LEPR: variants seen among roughly 807,000 people sequenced by gnomAD.
LEPR encodes leptin receptor, also known as OB receptor.
LEPR carries 56 observed loss-of-function variants against 114.7 expected under a neutral mutation model. The observed-to-expected ratio is 0.49, with a 90% CI of 0.39 to 0.61. LEPR has a LOEUF of 0.61. Ranked by LOEUF, LEPR falls within the 20% of genes least tolerant of loss-of-function variation. The probability of loss-of-function intolerance (pLI) is 0.00; values close to 1 mark genes in which losing one functional copy is unlikely to be tolerated. For missense variants in LEPR, 1,202 were observed against 1,352.9 expected (o/e 0.89, Z 1.75); for synonymous variants, 443 against 461.4 (o/e 0.96, Z 0.51).
At position 65,618,035 on chromosome 1, in the gene LEPR, C is replaced by G. The variant is rs1341977307; in HGVS notation, c.2284C>G (p.Pro762Ala). ...TGTGATTGTTTCCTGGATACTATCA[C>G]CCAGTGATTACAAGCTAATGTATTT... is the stretch of plus-strand genomic sequence containing the variant. ...SCVIVSWILS[P>A]SDYKLMYFII... Residue 762 changes from proline to alanine, a missense_variant, in exon 16 of 20, where the codon CCC (proline) becomes GCC (alanine). Pro to Ala is a conservative substitution (Grantham distance 27). Coordinates refer to ENST00000349533, the MANE Select transcript of LEPR (RefSeq NM_002303.6). 1.2e-6 allele frequency: 2 copies of G among 1,612,902 alleles called. No homozygotes were observed. The highest frequency in any genetic ancestry group is 4.5e-5 in the East Asian group (2 of 44,752).
chr1:65,575,587 G>A (rs1654528430), intron 5 of LEPR, among the ~76,000 whole-genome samples: 1 of 151,216 alleles, frequency 6.6e-6, no homozygotes, highest in Admixed American at 6.6e-5. Flanking sequence ...TAAACATAAT[G>A]TAGATTCATT....
chr1:65,617,888 T>C, intron 15 of LEPR, 76 bp from the exon 16 acceptor site: 1 of 1,396,106 alleles, frequency 7.2e-7, no homozygotes. Flanking sequence ...TTTAGTAGGT[T>C]ATAAGTTCCT....
chr1:65,550,622 A>G (rs1652242804), intron 2 of LEPR, among the ~76,000 whole-genome samples: 1 of 152,156 alleles, frequency 6.6e-6, no homozygotes, highest in South Asian at 2.1e-4. Flanking sequence ...CTCCGAACCA[A>G]GTGCGGGCTA....
intron 5 of LEPR, among the ~76,000 whole-genome samples, chr1:65,579,456 T>G (rs1372399326): frequency 6.6e-6 from 1 of 152,190 alleles, no homozygotes; most frequent in Non-Finnish European, 1.5e-5. Flanking sequence ...GGGTTGGTCT[T>G]AAAGAAGGTT....
intron 2 of LEPR, among the ~76,000 whole-genome samples, chr1:65,493,520 TA>T (rs1180839179): frequency 1.3e-5 from 2 of 152,142 alleles, no homozygotes; most frequent in African/African-American, 4.8e-5. Context: ...TCTTTATAGA[TA>T]TTTTTTTCAT....
intron 2 of LEPR, among the ~76,000 whole-genome samples, chr1:65,499,441 C>T (rs936136360): frequency 2.6e-5 from 4 of 152,000 alleles, no homozygotes; most frequent in African/African-American, 7.2e-5. Context: ...TGGGGCAAAT[C>T]GATGAGGCAG....
chr1:65,468,301 A>T (rs1379683238), intron 2 of LEPR, among the ~76,000 whole-genome samples: 3 of 152,194 alleles, frequency 2.0e-5, no homozygotes, highest in Admixed American at 2.0e-4. Flanking sequence ...AACTCTGAAC[A>T]ACTAAAGAAA....
chr1:65,565,487 C>A, intron 2 of LEPR, 59 bp from the exon 3 acceptor site: 1 of 1,543,402 alleles, frequency 6.5e-7, no homozygotes, highest in Admixed American at 1.7e-5. Flanking sequence ...CCACAGACAA[C>A]TTATATATAT....
intron 2 of LEPR, among the ~76,000 whole-genome samples, chr1:65,485,727 A>G (rs1337826433): frequency 6.6e-6 from 1 of 152,130 alleles, no homozygotes; most frequent in Non-Finnish European, 1.5e-5. Flanking sequence ...TAGTGCTTCC[A>G]TTACCAATTT....
At chr1:65,628,418 G>A (rs1044310736) in intron 19 of LEPR, among the ~76,000 whole-genome samples, 6 of 152,096 alleles carry the variant, frequency 3.9e-5, no homozygotes, top group African/African-American at 1.4e-4. Context: ...TCCTCTTCCT[G>A]GAGGAACCCA....
intron 2 of LEPR, among the ~76,000 whole-genome samples, chr1:65,512,353 A>C (rs1649077780): frequency 6.6e-6 from 1 of 152,156 alleles, no homozygotes; most frequent in Non-Finnish European, 1.5e-5. Flanking sequence ...TCTAAACCCT[A>C]TCAGGTAGCA....
rs886046505 is a variant in LEPR at position 65,636,631 on chromosome 1, A to G, written c.3114A>G (p.Ile1038Met). 1.2e-6 allele frequency: 2 copies of G among 1,613,370 alleles called. No individual in the cohort carries two copies. Among genetic ancestry groups the G allele is most frequent in the Admixed American group, 1.7e-5 (1 of 59,868 alleles). ...AGATAGAGGCCCAGGCATTTTTTAT[A>G]TTATCAGATCAGCATCCCAACATAA... ...SWEIEAQAFF[I>M]LSDQHPNIIS... The change falls in exon 20 of 20, where the codon ATA (isoleucine) becomes ATG (methionine). Residue 1038 changes from isoleucine (I) to methionine (M), a missense_variant. Physicochemically the swap from Ile to Met is conservative, Grantham distance 10 (BLOSUM62 1). Transcript: ENST00000349533.
In LEPR at chr1:65,475,483, C is replaced by T. The variant is rs115874638; in HGVS notation, c.-21+50105C>T. On this transcript the variant is annotated intron_variant, in intron 2 of 19. Transcript: ENST00000349533. ...GGCTGGCTCATCCTTATGGTGGTAT[C>T]CTGAATTCTTCCCTTCCACGTAGAA... is the stretch of plus-strand genomic sequence containing the variant. Among the ~76,000 whole-genome samples the T allele has an allele frequency of 3.0e-3, 451 of 152,264 alleles. 1 individual carries two copies. Among genetic ancestry groups the T allele is most frequent in the East Asian group, 0.022 (113 of 5,180 alleles).
chr1:65,590,933 TGAGAC>T (rs1655655470), intron 5 of LEPR, among the ~76,000 whole-genome samples: 1 of 151,972 alleles, frequency 6.6e-6, no homozygotes, highest in Non-Finnish European at 1.5e-5. Flanking sequence ...GTCATTGATC[TGAGAC>T]TTTTCTTTTT....
chr1:65,595,288 G>A (rs934231903), intron 6 of LEPR, among the ~76,000 whole-genome samples: 11 of 109,740 alleles, frequency 1.0e-4, no homozygotes, highest in Admixed American at 2.5e-4. Context: ...TCCAATGTAG[G>A]CATACATATA....
chr1:65,578,847 C>T (rs570089033), intron 5 of LEPR, among the ~76,000 whole-genome samples: 61 of 152,274 alleles, frequency 4.0e-4, no homozygotes, highest in African/African-American at 1.5e-3. Context: ...TGCCACTGCT[C>T]TTCTTTCTGT....
rs543693101 is a variant in LEPR at position 65,542,809 on chromosome 1, C to G, written c.-20-22737C>G. 3.2e-4 allele frequency among the ~76,000 whole-genome samples: 48 copies of G among 152,058 alleles called. 1 individual carries two copies. Among genetic ancestry groups the G allele is most frequent in the African/African-American group, 1.1e-3 (46 of 41,352 alleles). ...GATATGAACTCATCCTTTTTTATGG[C>G]TGCATAGTATTCCATGGTGTATATG... On this transcript the variant is annotated intron_variant, in intron 2 of 19. Transcript: ENST00000349533.
chr1:65,462,842 G>T (rs916390511), intron 2 of LEPR, among the ~76,000 whole-genome samples: 1 of 151,918 alleles, frequency 6.6e-6, no homozygotes, highest in Admixed American at 6.6e-5. Context: ...TTTTTGATGG[G>T]GTTGTTTGTT....
intron 2 of LEPR, chr1:65,434,174 A>T: frequency 1.0e-6 from 1 of 983,734 alleles, no homozygotes; most frequent in South Asian, 4.7e-5. Context: ...GATTTGCTCT[A>T]TGTCTGAAAA....
Sources: allele counts gnomAD v4.1 joint callset (sites outside exome capture counted in the v4.1 genomes callset), GRCh38; gene constraint gnomAD v4.1.1; transcripts MANE v1.5; gene names NCBI Gene and HGNC (gene_info 2026-07-23, HGNC 2026-07-21).